The following RAPGEF2 variants were observed in gnomAD, a reference collection of about 807,000 sequenced individuals.
RAPGEF2 encodes Rap guanine nucleotide exchange factor 2.
Under a neutral mutation model 186.7 loss-of-function variants are expected in RAPGEF2, and 54 were observed. The ratio of observed to expected loss-of-function variants is 0.29; its 90% CI spans 0.23 to 0.36. The LOEUF is 0.36. Among genes scored for constraint, RAPGEF2 ranks in the 10% least tolerant of loss-of-function variants. RAPGEF2 has a pLI of 1.00. For synonymous variants in RAPGEF2, 712 were observed against 705.9 expected (o/e 1.01, Z -0.14); for missense variants, 1,532 against 2,045.0 (o/e 0.75, Z 4.84).
intron 7 of RAPGEF2, among the ~76,000 whole-genome samples, chr4:159,258,332 GCTGA>G (rs1756424843): frequency 6.6e-6 from 1 of 152,062 alleles, no homozygotes. Context: ...GTATTGGTAG[GCTGA>G]CTTTTTTCTC....
intron 1 of RAPGEF2, among the ~76,000 whole-genome samples, chr4:159,113,802 A>G (rs1738759148): frequency 6.6e-6 from 1 of 151,660 alleles, no homozygotes. Flanking sequence ...CTTAATGAAG[A>G]GCCTAGTACC....
chr4:159,205,616 G>A (rs1341944730), intron 3 of RAPGEF2, among the ~76,000 whole-genome samples: 1 of 152,168 alleles, frequency 6.6e-6, no homozygotes. Context: ...CCCCTATGCT[G>A]TTCTCATGAT....
intron 7 of RAPGEF2, among the ~76,000 whole-genome samples, chr4:159,285,615 A>G (rs143183240): frequency 6.6e-6 from 1 of 152,346 alleles, no homozygotes; most frequent in Non-Finnish European, 1.5e-5. Flanking sequence ...TTAACTTTAA[A>G]ATATAAATGA....
At chr4:159,281,237 G>A (rs1034606286) in intron 7 of RAPGEF2, among the ~76,000 whole-genome samples, 6 of 151,814 alleles carry the variant, frequency 4.0e-5, no homozygotes, top group Admixed American at 3.3e-4. Flanking sequence ...TGATCTGCCC[G>A]CCTTGGCCTC....
intron 4 of RAPGEF2, among the ~76,000 whole-genome samples, chr4:159,235,792 G>T (rs1313736451): frequency 1.3e-5 from 2 of 152,120 alleles, no homozygotes; most frequent in African/African-American, 4.8e-5. Context: ...TGTATTTACT[G>T]TTTCAAAGAA....
chr4:159,356,201 G>A (rs1204945002), intron 29 of RAPGEF2, 43 bp downstream of exon 29: 1 of 1,557,092 alleles, frequency 6.4e-7, no homozygotes, highest in Non-Finnish European at 8.8e-7. Context: ...AGTTAGATGT[G>A]TTCACTTGTG....
intron 17 of RAPGEF2, among the ~76,000 whole-genome samples, chr4:159,333,477 C>T (rs965151393): frequency 6.6e-6 from 1 of 152,104 alleles, no homozygotes; most frequent in African/African-American, 2.4e-5. Context: ...CTTCTATTTT[C>T]AGTTATTTAA....
At position 159,353,516 on chromosome 4, in the gene RAPGEF2, G is replaced by A. The variant is rs755845478; in HGVS notation, c.4121G>A (p.Gly1374Asp). 2.6e-6 allele frequency: 4 copies of A among 1,516,844 alleles called. No individual in the cohort carries two copies. In the South Asian group the frequency reaches 4.1e-5, roughly 15 times the overall value. The allele number at this position is 1,516,844 out of a possible 1,614,324, so 94.0% of individuals were successfully genotyped here. A position where few individuals can be genotyped will look rare whatever the true frequency, so the allele number is the denominator to read the frequency against. Residue 1374 changes from glycine to aspartate, a missense_variant, in exon 28 of 30, where the codon GGC becomes GAC. By Grantham distance (94) the Gly-to-Asp change is moderately conservative. Around this residue, in one of 4 missense-constraint regions of RAPGEF2, gnomAD observed 594 missense variants for 608.5 expected, o/e 0.98. Coordinates refer to ENST00000691494, the MANE Select transcript of RAPGEF2 (RefSeq NM_001394067.2). This position sits in a 1 kb window ranked among gnomAD's most constrained non-coding sequence, Gnocchi z 4.3. ...TATGCACCAATGTCCGAGGGCCGAG[G>A]CTTATATGCTACAGCTACAGTAATT... ...GSYAPMSEGR[G>D]LYATATVISS... is the part of the protein sequence containing the mutation.
chr4:159,302,761 AT>A (rs1372434170), intron 7 of RAPGEF2, among the ~76,000 whole-genome samples: 6 of 151,576 alleles, frequency 4.0e-5, no homozygotes, highest in East Asian at 3.9e-4. Flanking sequence ...AATATTACAT[AT>A]TTTTTTATTT....
At chr4:159,116,690 A>C (rs1302358381) in intron 1 of RAPGEF2, among the ~76,000 whole-genome samples, 1 of 152,276 alleles carries the variant, frequency 6.6e-6, no homozygotes, top group Non-Finnish European at 1.5e-5. Flanking sequence ...CTGGATAAAG[A>C]AAATGTGATA....
chr4:159,130,869 C>G (rs1716410526), intron 1 of RAPGEF2, among the ~76,000 whole-genome samples: 1 of 151,946 alleles, frequency 6.6e-6, no homozygotes, highest in Non-Finnish European at 1.5e-5. Flanking sequence ...ACCACCACGT[C>G]TGGCTAATTT....
At position 159,238,824 on chromosome 4, in the gene RAPGEF2, T is replaced by G; in HGVS notation, c.297T>G (p.Ser99=). The G allele has an allele frequency of 6.6e-7, 1 of 1,524,996 alleles. No individual in the cohort carries two copies. The highest frequency in any genetic ancestry group is 2.1e-5 in the Admixed American group (1 of 47,988). The allele number at this position is 1,524,996 out of a possible 1,614,324, so 94.5% of individuals were successfully genotyped here. ...TTCTTTCTAGTTTTGGCAAGCGTTCTGCAGGAAGTTTTAGGCGTGGCTGTG... is the reference window on the plus strand; with the variant it reads ...TTCTTTCTAGTTTTGGCAAGCGTTCGGCAGGAAGTTTTAGGCGTGGCTGTG... ...FLPRSSFGKR[S]AGSFRRGCEC... is the part of the protein sequence containing the mutation. The change falls in exon 5 of 30, where the codon TCT becomes TCG. Residue 99 remains serine (S), a synonymous_variant. Coordinates refer to ENST00000691494, the MANE Select transcript of RAPGEF2 (RefSeq NM_001394067.2).
At chr4:159,178,204 G>C (rs1746639613) in intron 1 of RAPGEF2, among the ~76,000 whole-genome samples, 1 of 152,068 alleles carries the variant, frequency 6.6e-6, no homozygotes, top group African/African-American at 2.4e-5. Context: ...TGCTGCAGTG[G>C]AACATAATCC....
intron 7 of RAPGEF2, among the ~76,000 whole-genome samples, chr4:159,266,406 C>T (rs992906952): frequency 3.3e-5 from 5 of 152,138 alleles, no homozygotes; most frequent in African/African-American, 1.2e-4. Context: ...GATAGATAAA[C>T]CTGATTGTGA....
At chr4:159,142,567 A>G (rs1457335416) in intron 1 of RAPGEF2, among the ~76,000 whole-genome samples, 1 of 151,958 alleles carries the variant, frequency 6.6e-6, no homozygotes, top group Non-Finnish European at 1.5e-5. Flanking sequence ...TGGGTAAACC[A>G]AGAACGTTTA....
chr4:159,277,531 C>G (rs928434209), intron 7 of RAPGEF2, among the ~76,000 whole-genome samples: 4 of 152,214 alleles, frequency 2.6e-5, no homozygotes, highest in Admixed American at 6.5e-5. Flanking sequence ...AACTAGTTTA[C>G]AGTCCCACCA....
At chr4:159,126,126 A>T (rs1372435304) in intron 1 of RAPGEF2, among the ~76,000 whole-genome samples, 1 of 152,150 alleles carries the variant, frequency 6.6e-6, no homozygotes, top group Non-Finnish European at 1.5e-5. Context: ...GATTATCCTC[A>T]ATTTTTATGT....
rs961136313 is a variant in RAPGEF2, at chr4:159,132,761, G to C, written c.69+28530G>C. Reference sequence around the variant, plus strand: ...GTTGATTGCTCATTTTCTTTTGGTAGTTGAAAGTTATGTGCGTTTTAAGTG... The same window carrying C: ...GTTGATTGCTCATTTTCTTTTGGTACTTGAAAGTTATGTGCGTTTTAAGTG... On this transcript the variant is annotated intron_variant, in intron 1 of 29. Transcript: ENST00000691494. Among the ~76,000 whole-genome samples the C allele has an allele frequency of 2.6e-5, 4 of 151,938 alleles. No individual in the cohort carries two copies. In the South Asian group the frequency reaches 8.3e-4, roughly 32 times the overall value.
chr4:159,300,087 ATAT>A (rs1762468338), intron 7 of RAPGEF2, among the ~76,000 whole-genome samples: 1 of 151,674 alleles, frequency 6.6e-6, no homozygotes, highest in African/African-American at 2.4e-5. Context: ...TCCTTTATTA[ATAT>A]TATAAAGTAT....
Sources: gnomAD v4.1 joint callset for allele counts (sites outside exome capture counted in the v4.1 genomes callset) on GRCh38, gnomAD v4.1.1 for gene constraint, gnomAD v4.1.1 regional missense constraint, Gnocchi (gnomAD v3.1) non-coding constraint, MANE v1.5 for transcripts, NCBI Gene and HGNC (gene_info 2026-07-23, HGNC 2026-07-21) for gene names.